CADM2: variants seen among roughly 807,000 people sequenced by gnomAD.
The protein encoded by CADM2 is immunoglobulin superfamily member 4D.
A neutral mutation model predicts 49.8 loss-of-function variants in CADM2; 12 were observed. The observed-to-expected ratio is 0.24, with a 90% CI of 0.15 to 0.39. The LOEUF is 0.39. CADM2 is among the 10% of genes least tolerant of loss of function. The probability of loss-of-function intolerance (pLI) is 1.00; values close to 1 mark genes in which losing one functional copy is unlikely to be tolerated. For missense variants in CADM2, 378 were observed against 492.3 expected (o/e 0.77, Z 2.20); for synonymous variants, 214 against 175.4 (o/e 1.22, Z -1.74).
At chr3:85,784,062 G>A (rs2070820542) in intron 2 of CADM2, among the ~76,000 whole-genome samples, 1 of 151,980 alleles carries the variant, frequency 6.6e-6, no homozygotes, top group Non-Finnish European at 1.5e-5. Flanking sequence ...GTGCATGCAC[G>A]CTATCTCACA....
At chr3:85,897,787 T>A (rs1715456298) in intron 5 of CADM2, among the ~76,000 whole-genome samples, 1 of 152,154 alleles carries the variant, frequency 6.6e-6, no homozygotes, top group Non-Finnish European at 1.5e-5. Context: ...TTTGAATGAG[T>A]AAAATATTAA....
At chr3:85,108,126 T>C (rs2038316378) in intron 1 of CADM2, among the ~76,000 whole-genome samples, 1 of 152,216 alleles carries the variant, frequency 6.6e-6, no homozygotes, top group Admixed American at 6.5e-5. Context: ...TACTGTCATG[T>C]TTCTAGTAGC....
At chr3:85,922,630 C>T (rs1719277979) in intron 6 of CADM2, among the ~76,000 whole-genome samples, 1 of 152,064 alleles carries the variant, frequency 6.6e-6, no homozygotes, top group Non-Finnish European at 1.5e-5. Context: ...AAATGCATCT[C>T]TACTGTGTCC....
intron 1 of CADM2, among the ~76,000 whole-genome samples, chr3:85,155,806 A>G (rs981439007): frequency 6.6e-6 from 1 of 152,220 alleles, no homozygotes; most frequent in African/African-American, 2.4e-5. Context: ...CTGCTCAACT[A>G]CATGGTAATT....
At chr3:85,684,553 TGCTG>T (rs951436308) in intron 1 of CADM2, among the ~76,000 whole-genome samples, 1 of 152,178 alleles carries the variant, frequency 6.6e-6, no homozygotes, top group Non-Finnish European at 1.5e-5. Flanking sequence ...ATTTTCATGC[TGCTG>T]GTAAAGACAT....
At chr3:85,991,093 G>T (rs984700770) in intron 8 of CADM2, among the ~76,000 whole-genome samples, 15 of 152,098 alleles carry the variant, frequency 9.9e-5, no homozygotes, top group African/African-American at 3.6e-4. Context: ...AAGAAATATT[G>T]TCACAGGGAC....
At chr3:85,984,532 C>A (rs1283760364) in intron 8 of CADM2, among the ~76,000 whole-genome samples, 1 of 151,504 alleles carries the variant, frequency 6.6e-6, no homozygotes. Flanking sequence ...GAATTTATAA[C>A]TGAACTTTTA....
At chr3:85,833,278 TTTGTTGTTG>T (rs57879763) in intron 3 of CADM2, among the ~76,000 whole-genome samples, 4 of 151,058 alleles carry the variant, frequency 2.6e-5, no homozygotes, top group East Asian at 3.9e-4. Context: ...TGCAGTTTTC[TTTGTTGTTG>T]TTGTTGTTGT....
At chr3:85,715,605 A>G (rs906251634) in intron 1 of CADM2, among the ~76,000 whole-genome samples, 1 of 152,124 alleles carries the variant, frequency 6.6e-6, no homozygotes, top group Non-Finnish European at 1.5e-5. Flanking sequence ...TGCTTCACCC[A>G]TCAATCCTTC....
At chr3:85,962,797 T>G (rs1318997497) in intron 8 of CADM2, among the ~76,000 whole-genome samples, 1 of 151,960 alleles carries the variant, frequency 6.6e-6, no homozygotes, top group African/African-American at 2.4e-5. Context: ...GGGACTAGTA[T>G]TATATTCAAC....
chr3:86,011,656 A>G (rs568394425), intron 8 of CADM2, among the ~76,000 whole-genome samples: 1 of 152,296 alleles, frequency 6.6e-6, no homozygotes, highest in East Asian at 1.9e-4. Context: ...TCCTTGCACA[A>G]TTGGGACAGC....
intron 1 of CADM2, among the ~76,000 whole-genome samples, chr3:85,188,955 T>C (rs1484618220): frequency 6.6e-6 from 1 of 151,662 alleles, no homozygotes; most frequent in Non-Finnish European, 1.5e-5. Flanking sequence ...GGCGTGAACC[T>C]GGGAGGAGGA....
chr3:85,410,076 T>C (rs1420929870), intron 1 of CADM2, among the ~76,000 whole-genome samples: 1 of 152,106 alleles, frequency 6.6e-6, no homozygotes, highest in East Asian at 1.9e-4. Flanking sequence ...TCTTGATACA[T>C]AAAGGAAGAA....
chr3:85,317,770 C>T (rs560919140), intron 1 of CADM2, among the ~76,000 whole-genome samples: 38 of 152,022 alleles, frequency 2.5e-4, no homozygotes, highest in Non-Finnish European at 5.4e-4. Context: ...ATTAGATTCC[C>T]GACTCAAGAA....
At chr3:85,053,527 A>G (rs1454747338) in intron 1 of CADM2, among the ~76,000 whole-genome samples, 1 of 152,006 alleles carries the variant, frequency 6.6e-6, no homozygotes, top group Admixed American at 6.6e-5. Flanking sequence ...TCTGTGGTGA[A>G]AAATGGATGA....
At chr3:85,434,258 A>T (rs1290734825) in intron 1 of CADM2, among the ~76,000 whole-genome samples, 2 of 152,006 alleles carry the variant, frequency 1.3e-5, no homozygotes, top group Non-Finnish European at 2.9e-5. Context: ...TGTGTAACTT[A>T]ATTTATACAA....
intron 1 of CADM2, among the ~76,000 whole-genome samples, chr3:85,116,732 A>G (rs1377272288): frequency 6.6e-6 from 1 of 152,112 alleles, no homozygotes. Flanking sequence ...GTTCCAGTAC[A>G]TACCATTGTG....
intron 1 of CADM2, among the ~76,000 whole-genome samples, chr3:85,036,937 A>C (rs2035237689): frequency 1.4e-5 from 2 of 146,888 alleles, no homozygotes; most frequent in South Asian, 4.5e-4. Context: ...GGATCGCCTG[A>C]GGTCAGGAGC....
At chr3:85,331,337 C>T (rs755265424) in intron 1 of CADM2, among the ~76,000 whole-genome samples, 4 of 148,292 alleles carry the variant, frequency 2.7e-5, no homozygotes, top group African/African-American at 7.7e-5. Context: ...TCAATTTATT[C>T]ATTTTTTTTA....
Sources: allele counts gnomAD v4.1 joint callset (sites outside exome capture counted in the v4.1 genomes callset), GRCh38; gene constraint gnomAD v4.1.1; transcripts MANE v1.5; gene names NCBI Gene and HGNC (gene_info 2026-07-23, HGNC 2026-07-21).